USPL1: variants seen among roughly 807,000 people sequenced by gnomAD.
USPL1 encodes ubiquitin specific peptidase like 1.
In USPL1, 27 loss-of-function variants were observed where a neutral mutation model predicts 51.5. That is an observed-to-expected ratio of 0.52 (90% CI 0.39 to 0.72). USPL1 has a LOEUF of 0.72. Among genes scored for constraint, USPL1 ranks in the 30% least tolerant of loss-of-function variants. The probability of loss-of-function intolerance (pLI) is 0.00; values close to 1 mark genes in which losing one functional copy is unlikely to be tolerated. For synonymous variants in USPL1, 451 were observed against 459.6 expected (o/e 0.98, Z 0.24); for missense variants, 1,226 against 1,268.0 (o/e 0.97, Z 0.50).
Position 30,621,737 on chromosome 13 carries a change from T to G in USPL1, c.100-27T>G, listed in dbSNP as rs746278717. 3 of 1,439,208 alleles carry G rather than the reference T, an allele frequency of 2.1e-6. No individual in the cohort carries two copies. In the South Asian group the frequency reaches 4.8e-5, roughly 23 times the overall value. The allele number at this position is 1,439,208 out of a possible 1,614,324, so 89.2% of individuals were successfully genotyped here. A position where few individuals can be genotyped will look rare whatever the true frequency, so the allele number is the denominator to read the frequency against. On this transcript the variant is annotated intron_variant, in intron 2 of 8. Coordinates refer to ENST00000255304, the MANE Select transcript of USPL1 (RefSeq NM_005800.5). ...TTGATATATTCTAGGAATGTCTATATTTTAATTTGCTTTATTTCTCTTTTA... is the reference window on the plus strand; with the variant it reads ...TTGATATATTCTAGGAATGTCTATAGTTTAATTTGCTTTATTTCTCTTTTA...
At position 30,658,278 on chromosome 13, in the gene USPL1, C is replaced by G. The variant is rs1951196768; in HGVS notation, c.2201C>G (p.Ser734Cys). ...NLKKKETTADSQTTTSKSLQN... is the reference protein window; with the variant it reads ...NLKKKETTADCQTTTSKSLQN... ...AAGAAAAAAGAAACTACAGCAGATT[C>G]TCAAACCACAACATCTAAGTCATTA... Residue 734 changes from serine to cysteine, a missense_variant, in exon 9 of 9, where the codon TCT (serine) becomes TGT (cysteine). Ser to Cys is a moderately radical substitution (Grantham distance 112). Coordinates refer to ENST00000255304, the MANE Select transcript of USPL1 (RefSeq NM_005800.5). 1 of 1,613,590 alleles carries G rather than the reference C, an allele frequency of 6.2e-7. No homozygotes were observed. The highest frequency in any genetic ancestry group is 1.3e-5 in the African/African-American group (1 of 74,854).
intron 7 of USPL1, 119 bp from the exon 8 acceptor site, chr13:30,653,029 A>G (rs1951111429): frequency 2.9e-6 from 3 of 1,046,554 alleles, no homozygotes; most frequent in Non-Finnish European, 4.1e-6. Flanking sequence ...TGCTCAAGAA[A>G]AATTAGTGCA....
At chr13:30,650,313 A>G (rs945716775) in intron 7 of USPL1, among the ~76,000 whole-genome samples, 2 of 152,182 alleles carry the variant, frequency 1.3e-5, no homozygotes, top group South Asian at 2.1e-4. Context: ...ATGGTGGCTT[A>G]TGCCTGTAGT....
In USPL1 at chr13:30,631,350, G is replaced by A. The variant is rs755717762; in HGVS notation, c.744G>A (p.Ser248=). The A allele has an allele frequency of 7.4e-6, 12 of 1,614,020 alleles. No homozygotes were observed. The highest frequency in any genetic ancestry group is 2.7e-5 in the African/African-American group (2 of 74,904). Reference sequence around the variant, plus strand: ...GTATCCTGTCAGCTTTGGTGCACTCGGAAGAGTTAAAGAACACCGTGACTG... The same window carrying A: ...GTATCCTGTCAGCTTTGGTGCACTCAGAAGAGTTAAAGAACACCGTGACTG... ...LDCILSALVH[S]EELKNTVTGL... The change falls in exon 4 of 9, where the codon TCG becomes TCA. Residue 248 remains serine (S), a synonymous_variant. Coordinates refer to ENST00000255304, the MANE Select transcript of USPL1 (RefSeq NM_005800.5).
chr13:30,640,361 T>C (rs967602695), intron 5 of USPL1, among the ~76,000 whole-genome samples: 6 of 152,218 alleles, frequency 3.9e-5, no homozygotes, highest in South Asian at 2.1e-4. Flanking sequence ...TCTAGGATAT[T>C]GATTTGTATT....
intron 3 of USPL1, among the ~76,000 whole-genome samples, chr13:30,629,976 T>TATC (rs1950778679): frequency 6.6e-6 from 1 of 151,772 alleles, no homozygotes; most frequent in African/African-American, 2.4e-5. Context: ...TTATTATTAT[T>TATC]ATTATTATTA....
At position 30,631,458 on chromosome 13, in the gene USPL1, A is replaced by G. The variant is rs760437128; in HGVS notation, c.852A>G (p.Gln284=). The G allele has an allele frequency of 5.6e-6, 9 of 1,613,546 alleles. No individual in the cohort carries two copies. The highest frequency in any genetic ancestry group is 3.3e-5 in the South Asian group (3 of 91,012). ...CAAATACACTTCTATATACCAGTCA[A>G]TTGAGTGGTGTTAAAGGTTGGTACT... ...NQANTLLYTS[Q]LSGVKDGDCK... is the part of the protein sequence containing the mutation. The change falls in exon 4 of 9, where the codon CAA becomes CAG. Residue 284 remains glutamine (Q), a synonymous_variant. Transcript: ENST00000255304.
chr13:30,656,336 A>G (rs1485723520), intron 8 of USPL1, among the ~76,000 whole-genome samples: 1 of 152,210 alleles, frequency 6.6e-6, no homozygotes, highest in Non-Finnish European at 1.5e-5. Context: ...CAACCCAAAC[A>G]GAAACTACTC....
intron 5 of USPL1, among the ~76,000 whole-genome samples, chr13:30,642,094 G>A (rs567962802): frequency 1.3e-5 from 2 of 152,014 alleles, no homozygotes; most frequent in South Asian, 4.2e-4. Context: ...TTTATTTTTT[G>A]TAGAGATAAT....
At chr13:30,621,492 A>G (rs1424621398) in intron 2 of USPL1, among the ~76,000 whole-genome samples, 2 of 152,066 alleles carry the variant, frequency 1.3e-5, no homozygotes, top group African/African-American at 4.8e-5. Context: ...TCTCCCGGGT[A>G]ATTGATGTTA....
At chr13:30,657,167 T>G (rs1951175165) in intron 8 of USPL1, among the ~76,000 whole-genome samples, 1 of 152,222 alleles carries the variant, frequency 6.6e-6, no homozygotes, top group Admixed American at 6.5e-5. Flanking sequence ...AAACAAGAAT[T>G]AAAACGAATA....
At chr13:30,652,966 A>G (rs369005036) in intron 7 of USPL1, among the ~76,000 whole-genome samples, 182 bp from the exon 8 acceptor site, 28 of 152,352 alleles carry the variant, frequency 1.8e-4, no homozygotes, top group African/African-American at 6.5e-4. Flanking sequence ...GTTTAGTGTT[A>G]CATACTTCTT....
rs1950796801 is a variant in USPL1 at position 30,631,033 on chromosome 13, G to C, written c.427G>C (p.Gly143Arg). The C allele has an allele frequency of 1.2e-6, 2 of 1,613,968 alleles. No homozygotes were observed. Among genetic ancestry groups the C allele is most frequent in the African/African-American group, 2.7e-5 (2 of 74,890 alleles). The change falls in exon 4 of 9, where the codon GGA becomes CGA. Residue 143 changes from glycine (G) to arginine (R), a missense_variant. Coordinates refer to ENST00000255304, the MANE Select transcript of USPL1 (RefSeq NM_005800.5). ...AAAAGTTTTGAACAGCAAACATAAT[G>C]GAGAAGTATATGACGAAACCTCGTC... is the stretch of plus-strand genomic sequence containing the variant. ...GGKVLNSKHNGEVYDETSSNL... is the reference protein window; with the variant it reads ...GGKVLNSKHNREVYDETSSNL...
In USPL1 at chr13:30,642,491, G is replaced by T. The variant is rs1008540465; in HGVS notation, c.983-137G>T. 10 of 997,454 alleles carry T rather than the reference G, an allele frequency of 1.0e-5. No homozygotes were observed. In the African/African-American group the frequency reaches 1.3e-4, roughly 13 times the overall value. The allele number at this position is 997,454 out of a possible 1,614,324, so 61.8% of individuals were successfully genotyped here. ...TATAAACTTCCCCTCTCCCAACTCTGAGTGACTTATTGTGTCATACTGTAT... is the reference window on the plus strand; with the variant it reads ...TATAAACTTCCCCTCTCCCAACTCTTAGTGACTTATTGTGTCATACTGTAT... On this transcript the variant is annotated intron_variant, in intron 5 of 8. Transcript: ENST00000255304.
At chr13:30,641,411 CA>C (rs1373860055) in intron 5 of USPL1, among the ~76,000 whole-genome samples, 1 of 151,626 alleles carries the variant, frequency 6.6e-6, no homozygotes, top group African/African-American at 2.4e-5. Context: ...TGTTCCTGGC[CA>C]TGTTCCAGGC....
At chr13:30,620,097 T>G (rs1434600978) in intron 1 of USPL1, among the ~76,000 whole-genome samples, 1 of 152,186 alleles carries the variant, frequency 6.6e-6, no homozygotes, top group African/African-American at 2.4e-5. Flanking sequence ...TAAAAAGCAG[T>G]TTTATTTTTG....
chr13:30,638,170 C>T (rs539885743), intron 5 of USPL1, among the ~76,000 whole-genome samples: 2 of 152,234 alleles, frequency 1.3e-5, no homozygotes, highest in Admixed American at 1.3e-4. Flanking sequence ...CATTTTTAAC[C>T]TCAATTGTGC....
Position 30,653,196 on chromosome 13 carries a change from T to G in USPL1, c.1287T>G (p.Asn429Lys). Residue 429 changes from asparagine to lysine, a missense_variant, in exon 8 of 9, where the codon AAT becomes AAG. Transcript: ENST00000255304. Reference protein sequence around the residue: ...MLHFVEGLPQNDLQHYAFHFE... With the variant: ...MLHFVEGLPQKDLQHYAFHFE... ...ACTTTGTAGAAGGCTTACCACAGAATGACTTGCAGCACTATGCATTTCATT... is the reference window on the plus strand; with the variant it reads ...ACTTTGTAGAAGGCTTACCACAGAAGGACTTGCAGCACTATGCATTTCATT... 1 of 1,612,560 alleles carries G rather than the reference T, an allele frequency of 6.2e-7. No individual in the cohort carries two copies. The highest frequency in any genetic ancestry group is 8.5e-7 in the Non-Finnish European group (1 of 1,178,916).
At position 30,660,653 on chromosome 13, in the gene USPL1, A is replaced by G. The variant is rs748823361; in HGVS notation, c.*1297A>G. On this transcript the variant is annotated 3_prime_UTR_variant, in exon 9 of 9. Transcript: ENST00000255304. The stretch of plus-strand genomic sequence containing the variant: ...GTGCTGTGGAATGTAAACTTTCCCT[A>G]TGTCACTTATCTCCTTTATCTCTCC... 3 of 152,184 alleles carry G rather than the reference A, an allele frequency of 2.0e-5. No homozygotes were observed. The highest frequency in any genetic ancestry group is 4.1e-4 in the South Asian group (2 of 4,832). 9.4% of individuals were successfully genotyped at this position (152,184 alleles called of 1,614,324 possible). A position where few individuals can be genotyped will look rare whatever the true frequency, so the allele number is the denominator to read the frequency against.
Sources: allele counts gnomAD v4.1 joint callset (sites outside exome capture counted in the v4.1 genomes callset), GRCh38; gene constraint gnomAD v4.1.1; transcripts MANE v1.5; gene names NCBI Gene and HGNC (gene_info 2026-07-23, HGNC 2026-07-21).